DLGAP2: variants seen among roughly 807,000 people sequenced by gnomAD.
DLGAP2 encodes the protein DLG associated protein 2, also known as disks large-associated protein 2.
In DLGAP2, 26 loss-of-function variants were observed where a neutral mutation model predicts 100.3. The ratio of observed to expected loss-of-function variants is 0.26; its 90% CI spans 0.19 to 0.36. The LOEUF (loss-of-function observed/expected upper bound fraction) is 0.36, where lower values mean the gene tolerates loss of function less well. Among genes scored for constraint, DLGAP2 ranks in the 10% least tolerant of loss-of-function variants. The pLI is 1.00. For synonymous variants in DLGAP2, 886 were observed against 630.1 expected, an observed-to-expected ratio of 1.41 and a Z score of -6.08; for missense variants, 1,858 against 1,453.2, an observed-to-expected ratio of 1.28 and a Z score of -4.53.
chr8:1,302,610 TAG>T (rs1800382974), intron 3 of DLGAP2: 1 of 152,284 alleles, frequency 6.6e-6, no homozygotes, highest in African/African-American at 2.4e-5. Context: ...GTATTTTCTG[TAG>T]GTTCCCGAGC....
chr8:1,509,363 A>G (rs1800075604), intron 4 of DLGAP2, among the ~76,000 whole-genome samples: 1 of 151,644 alleles, frequency 6.6e-6, no homozygotes, highest in East Asian at 1.9e-4. Flanking sequence ...ACTAGAAAAT[A>G]CCAAAGTACA....
chr8:1,460,233 G>A (rs540915147), intron 3 of DLGAP2, among the ~76,000 whole-genome samples: 2 of 152,162 alleles, frequency 1.3e-5, no homozygotes, highest in African/African-American at 2.4e-5. Context: ...AAGACCACTT[G>A]CTCCAATACA....
intron 3 of DLGAP2, among the ~76,000 whole-genome samples, chr8:1,358,406 A>T (rs1801903925): frequency 6.6e-6 from 1 of 152,116 alleles, no homozygotes; most frequent in South Asian, 2.1e-4. Flanking sequence ...TGGGGCTAAA[A>T]ATGTATTGAT....
chr8:1,163,610 C>G (rs902236473), intron 2 of DLGAP2, among the ~76,000 whole-genome samples: 3 of 152,230 alleles, frequency 2.0e-5, no homozygotes, highest in Non-Finnish European at 4.4e-5. Flanking sequence ...GTGTAACTGA[C>G]CCCGGAAGCG....
intron 3 of DLGAP2, among the ~76,000 whole-genome samples, chr8:1,430,514 G>C (rs1797394071): frequency 6.6e-6 from 1 of 152,104 alleles, no homozygotes; most frequent in Admixed American, 6.6e-5. Context: ...GCAAAGCCTA[G>C]GTCTACAGGC....
intron 8 of DLGAP2, among the ~76,000 whole-genome samples, chr8:1,660,919 G>A (rs988185312): frequency 1.3e-5 from 2 of 152,158 alleles, no homozygotes; most frequent in African/African-American, 2.4e-5. Context: ...AAGAATACAC[G>A]GCACCGTGAT....
chr8:1,562,567 G>A (rs1229367104), intron 5 of DLGAP2, among the ~76,000 whole-genome samples: 1 of 45,426 alleles, frequency 2.2e-5, no homozygotes, highest in African/African-American at 8.8e-5. Flanking sequence ...TCCGTGCCTC[G>A]TTGCTGGTGG....
At chr8:1,575,816 C>T (rs1263747414) in intron 6 of DLGAP2, among the ~76,000 whole-genome samples, 7 of 151,914 alleles carry the variant, frequency 4.6e-5, no homozygotes, top group East Asian at 3.9e-4. Flanking sequence ...TTTATGGCTG[C>T]GTAGTTTTCC....
chr8:1,598,693 G>C (rs1203591499), intron 6 of DLGAP2, among the ~76,000 whole-genome samples: 1 of 152,122 alleles, frequency 6.6e-6, no homozygotes, highest in Non-Finnish European at 1.5e-5. Context: ...TTGTATTTCT[G>C]TGGGATCAGT....
Position 1,072,209 on chromosome 8 carries a change from G to A in DLGAP2, c.73+164243G>A, listed in dbSNP as rs578256552. 2.0e-5 allele frequency among the ~76,000 whole-genome samples: 3 copies of A among 152,282 alleles called. No homozygotes were observed. The South Asian group carries it at 6.2e-4, about 32-fold the overall frequency. On this transcript the variant is annotated intron_variant, in intron 2 of 14. Transcript: ENST00000637795. ...AGAGACATTCCCCCAGGGACTGTGAGGGGACCGGGAGCCTCCTGATTGATG... is the reference window on the plus strand; with the variant it reads ...AGAGACATTCCCCCAGGGACTGTGAAGGGACCGGGAGCCTCCTGATTGATG...
rs150313308 is a variant in DLGAP2, at chr8:1,456,973, G to A, written c.107-44393G>A. ...TCACAGCACACTAATGAGCGCTGGC[G>A]CCCAGGCCTGCAATTAGCCTTTCCC... On this transcript the variant is annotated intron_variant, in intron 3 of 14. Transcript: ENST00000637795. Among the ~76,000 whole-genome samples, 710 of 152,322 alleles carry A rather than the reference G, an allele frequency of 4.7e-3. 3 individuals are homozygous for A. Among genetic ancestry groups the A allele is most frequent in the African/African-American group, 0.016 (670 of 41,584 alleles).
intron 3 of DLGAP2, among the ~76,000 whole-genome samples, chr8:1,273,577 A>G (rs1159637403): frequency 6.6e-6 from 1 of 152,204 alleles, no homozygotes; most frequent in African/African-American, 2.4e-5. Flanking sequence ...ACGTGCCGTG[A>G]CGGCTTTATC....
At chr8:1,242,680 T>C (rs1010398667) in intron 2 of DLGAP2, among the ~76,000 whole-genome samples, 4 of 152,158 alleles carry the variant, frequency 2.6e-5, no homozygotes, top group Non-Finnish European at 4.4e-5. Flanking sequence ...CCTCTCCTCC[T>C]TAATGGTAAG....
At chr8:766,266 G>T (rs944150715) in intron 1 of DLGAP2, among the ~76,000 whole-genome samples, 18 of 152,200 alleles carry the variant, frequency 1.2e-4, no homozygotes, top group African/African-American at 4.1e-4. Flanking sequence ...CACACCCTAG[G>T]TGTGGGGTAC....
chr8:811,944 T>G (rs555279858), intron 1 of DLGAP2, among the ~76,000 whole-genome samples: 17 of 152,374 alleles, frequency 1.1e-4, no homozygotes, highest in African/African-American at 3.6e-4. Context: ...TGGCTTTTCC[T>G]TGACTCTCCG....
intron 2 of DLGAP2, among the ~76,000 whole-genome samples, chr8:1,036,509 C>A (rs1802129718): frequency 1.3e-5 from 2 of 152,182 alleles, no homozygotes; most frequent in Admixed American, 6.5e-5. Flanking sequence ...AGGTTCTCTG[C>A]TTTGTGGATG....
chr8:901,546 G>A (rs1798251334), intron 1 of DLGAP2, among the ~76,000 whole-genome samples: 1 of 152,202 alleles, frequency 6.6e-6, no homozygotes, highest in Non-Finnish European at 1.5e-5. Flanking sequence ...GGAGCGAGAC[G>A]TTAAATGATC....
At chr8:1,277,831 A>G (rs1399728448) in intron 3 of DLGAP2, among the ~76,000 whole-genome samples, 1 of 152,064 alleles carries the variant, frequency 6.6e-6, no homozygotes, top group South Asian at 2.1e-4. Flanking sequence ...ACTCCCCACT[A>G]TTTGCTGGGG....
intron 10 of DLGAP2, among the ~76,000 whole-genome samples, chr8:1,674,486 C>G (rs1798764097): frequency 6.6e-6 from 1 of 152,182 alleles, no homozygotes; most frequent in East Asian, 1.9e-4. Context: ...ACACACTGGT[C>G]AGAATTTAAG....
Sources: allele counts gnomAD v4.1 joint callset (sites outside exome capture counted in the v4.1 genomes callset), GRCh38; gene constraint gnomAD v4.1.1; transcripts MANE v1.5; gene names NCBI Gene and HGNC (gene_info 2026-07-23, HGNC 2026-07-21).